PPP4R1: variants seen among roughly 807,000 people sequenced by gnomAD.
PPP4R1 encodes the protein protein phosphatase 4 regulatory subunit 1.
In PPP4R1, 42 loss-of-function variants were observed where a neutral mutation model predicts 111.2. The observed-to-expected ratio is 0.38, with a 90% CI of 0.29 to 0.49. The LOEUF is 0.49. Among genes scored for constraint, PPP4R1 ranks in the 20% least tolerant of loss-of-function variants. The pLI, the probability that PPP4R1 is intolerant of heterozygous loss-of-function variation, is 0.97. For synonymous variants in PPP4R1, 409 were observed against 405.5 expected (o/e 1.01, Z -0.10); for missense variants, 1,012 against 1,161.6 (o/e 0.87, Z 1.87).
intron 2 of PPP4R1, among the ~76,000 whole-genome samples, chr18:9,607,940 G>A (rs975513009): frequency 1.3e-5 from 2 of 151,908 alleles, no homozygotes; most frequent in African/African-American, 2.4e-5. Flanking sequence ...GCACCACCAC[G>A]CCCAGCTAAT....
Position 9,589,109 on chromosome 18 carries a change from T to C in PPP4R1, c.296-256A>G, listed in dbSNP as rs190117563. ...TGAGTATCTAACCATTTCTTAACAA[T>C]AAATAAATTTATTCATCACCTACAC... On this transcript the variant is annotated intron_variant, in intron 4 of 19. Transcript: ENST00000400556. Among the ~76,000 whole-genome samples, 28 of 152,324 alleles carry C rather than the reference T, an allele frequency of 1.8e-4. No homozygotes were observed. The East Asian group carries it at 4.2e-3, about 23-fold the overall frequency.
chr18:9,604,289 G>A (rs765933135), intron 2 of PPP4R1, among the ~76,000 whole-genome samples: 1 of 152,018 alleles, frequency 6.6e-6, no homozygotes, highest in Non-Finnish European at 1.5e-5. Context: ...CCCCTCATTC[G>A]AATCCAGTTT....
At chr18:9,550,561 GTC>G (rs1311596706) in intron 16 of PPP4R1, 163 bp from the exon 17 acceptor site, 2 of 739,830 alleles carry the variant, frequency 2.7e-6, no homozygotes, top group East Asian at 2.7e-5. Flanking sequence ...GTTACCTCCA[GTC>G]TCTGTGTATC....
At chr18:9,579,232 C>A (rs1045233412) in intron 9 of PPP4R1, among the ~76,000 whole-genome samples, 1 of 151,992 alleles carries the variant, frequency 6.6e-6, no homozygotes, top group African/African-American at 2.4e-5. Context: ...AGCTATTCCT[C>A]AAAATAAAGT....
chr18:9,553,232 A>C, intron 16 of PPP4R1, 90 bp downstream of exon 16: 1 of 1,030,348 alleles, frequency 9.7e-7, no homozygotes. Context: ...ACTTGGATCT[A>C]CACAAAGTAA....
intron 4 of PPP4R1, among the ~76,000 whole-genome samples, chr18:9,591,794 C>T (rs1273605056): frequency 1.3e-5 from 2 of 152,078 alleles, no homozygotes; most frequent in African/African-American, 4.8e-5. Flanking sequence ...TGGCTGGTCA[C>T]GGTGGCTCAT....
intron 12 of PPP4R1, 179 bp downstream of exon 12, chr18:9,563,199 C>A: frequency 8.5e-7 from 1 of 1,181,758 alleles, no homozygotes. Context: ...TTTCATATGA[C>A]ACTAATGTCA....
chr18:9,598,481 A>G (rs1052950555), intron 2 of PPP4R1, among the ~76,000 whole-genome samples: 2 of 152,200 alleles, frequency 1.3e-5, no homozygotes, highest in African/African-American at 4.8e-5. Flanking sequence ...TTTTCCATCT[A>G]AAATACAAGC....
chr18:9,561,449 A>G (rs2066676003), intron 13 of PPP4R1, among the ~76,000 whole-genome samples: 1 of 151,780 alleles, frequency 6.6e-6, no homozygotes, highest in African/African-American at 2.4e-5. Context: ...CTCACAGGAG[A>G]GGTCACCAGG....
intron 12 of PPP4R1, 135 bp downstream of exon 12, chr18:9,563,243 T>C (rs541564104): frequency 1.6e-6 from 2 of 1,268,570 alleles, no homozygotes; most frequent in African/African-American, 3.0e-5. Context: ...AATTACTTTA[T>C]GCAAAACGAA....
At chr18:9,600,094 A>G (rs2067355223) in intron 2 of PPP4R1, among the ~76,000 whole-genome samples, 1 of 151,922 alleles carries the variant, frequency 6.6e-6, no homozygotes, top group Non-Finnish European at 1.5e-5. Flanking sequence ...TTCTGCTTCA[A>G]ATGTTTTGCT....
chr18:9,551,830 G>A (rs1034345148), intron 16 of PPP4R1: 4 of 152,186 alleles, frequency 2.6e-5, no homozygotes, highest in East Asian at 3.9e-4. Flanking sequence ...GCTAAACGCC[G>A]GGTGGAATAC....
intron 6 of PPP4R1, chr18:9,587,265 C>T (rs561953879): frequency 6.6e-6 from 1 of 152,198 alleles, no homozygotes; most frequent in East Asian, 1.9e-4. Flanking sequence ...TGTATTTTTT[C>T]GTATTGTGTG....
intron 16 of PPP4R1, 37 bp from the exon 17 acceptor site, chr18:9,550,435 A>C (rs773413950): frequency 6.4e-7 from 1 of 1,554,894 alleles, no homozygotes; most frequent in Non-Finnish European, 8.8e-7. Context: ...ATGTTTAAAA[A>C]TCAGCGAGAC....
chr18:9,613,277 G>C (rs949241087), intron 2 of PPP4R1, among the ~76,000 whole-genome samples: 2 of 152,100 alleles, frequency 1.3e-5, no homozygotes, highest in South Asian at 4.1e-4. Context: ...TTTTTGATGG[G>C]TCGCTATTTT....
In PPP4R1 at chr18:9,547,034, T is replaced by G. The variant is rs1254294128; in HGVS notation, c.*755A>C. 2 of 152,656 alleles carry G rather than the reference T, an allele frequency of 1.3e-5. No individual in the cohort carries two copies. The highest frequency in any genetic ancestry group is 4.1e-4 in the South Asian group (2 of 4,824). The allele number at this position is 152,656 out of a possible 1,614,324, so 9.5% of individuals were successfully genotyped here. A position where few individuals can be genotyped will look rare whatever the true frequency, so the allele number is the denominator to read the frequency against. On this transcript the variant is annotated 3_prime_UTR_variant, in exon 20 of 20. Transcript: ENST00000400556. ...CAGGTATGTACAGTATGTGAAGAAGTTGCACCTCAGAGCTGATCATGATCA... is the reference window on the plus strand; with the variant it reads ...CAGGTATGTACAGTATGTGAAGAAGGTGCACCTCAGAGCTGATCATGATCA...
At chr18:9,612,250 T>C (rs1049212653) in intron 2 of PPP4R1, among the ~76,000 whole-genome samples, 1 of 152,232 alleles carries the variant, frequency 6.6e-6, no homozygotes, top group Non-Finnish European at 1.5e-5. Context: ...ATATTTCTTA[T>C]GCCTACTTAC....
rs984219011 is a variant in PPP4R1, at chr18:9,557,211, TAA to T, written c.2190+8_2190+9del. On this transcript the variant is annotated splice_region_variant and intron_variant, in intron 15 of 19. Coordinates refer to ENST00000400556, the MANE Select transcript of PPP4R1 (RefSeq NM_001042388.3). Reference sequence around the variant, plus strand: ...TGTTGTGTTTTTATGCAAAAAAATTTAAAAGTTACCTTCAGAAAATCATGCAA... The same window carrying T: ...TGTTGTGTTTTTATGCAAAAAAATTTAAGTTACCTTCAGAAAATCATGCAA... 1.3e-6 allele frequency: 2 copies of T among 1,562,910 alleles called. No individual in the cohort carries two copies. The highest frequency in any genetic ancestry group is 4.3e-5 in the Admixed American group (2 of 46,680).
chr18:9,551,521 G>A (rs1033608532), intron 16 of PPP4R1: 1 of 152,328 alleles, frequency 6.6e-6, no homozygotes, highest in Non-Finnish European at 1.5e-5. Context: ...CCTCCCATGG[G>A]TGCTTCAAGA....
Sources: allele counts gnomAD v4.1 joint callset (sites outside exome capture counted in the v4.1 genomes callset), GRCh38; gene constraint gnomAD v4.1.1; transcripts MANE v1.5; gene names NCBI Gene and HGNC (gene_info 2026-07-23, HGNC 2026-07-21).